The following CELF4 variants were observed in gnomAD, a reference collection of about 807,000 sequenced individuals.
CELF4 encodes CUG-BP- and ETR-3-like factor 4.
CELF4 carries 18 observed loss-of-function variants against 59.9 expected under a neutral mutation model. That is an observed-to-expected ratio of 0.30 (90% CI 0.21 to 0.45). CELF4 has a LOEUF of 0.45. Among genes scored for constraint, CELF4 ranks in the 20% least tolerant of loss-of-function variants. CELF4 has a pLI of 1.00. For synonymous variants in CELF4, 261 were observed against 267.1 expected (o/e 0.98, Z 0.22); for missense variants, 456 against 689.0 (o/e 0.66, Z 3.79).
At chr18:37,411,336 A>C (rs1221333067) in intron 2 of CELF4, among the ~76,000 whole-genome samples, 2 of 152,120 alleles carry the variant, frequency 1.3e-5, no homozygotes, top group Non-Finnish European at 1.5e-5. Flanking sequence ...AGCCCATCCC[A>C]ATGTGTGGGA....
intron 2 of CELF4, among the ~76,000 whole-genome samples, chr18:37,393,690 C>CCCGGTA (rs2099196033): frequency 6.6e-6 from 1 of 152,140 alleles, no homozygotes; most frequent in Admixed American, 6.5e-5. Flanking sequence ...GTGCTCCAGC[C>CCCGGTA]CCGGTACCTG....
rs2099986075 is a variant in CELF4, at chr18:37,560,043, C to A, written c.286+5313G>T. On this transcript the variant is annotated intron_variant, in intron 1 of 12. Coordinates refer to ENST00000420428, the MANE Select transcript of CELF4 (RefSeq NM_020180.4). ...TGTTTGAGAGGCCACAAACATCCAG[C>A]CAATTGGAGCAGGTGATGAAGGGAG... 2.6e-5 allele frequency among the ~76,000 whole-genome samples: 4 copies of A among 152,196 alleles called. No individual in the cohort carries two copies. In the South Asian group the frequency reaches 8.3e-4, roughly 32 times the overall value.
chr18:37,513,870 A>G (rs2099947419), intron 1 of CELF4, among the ~76,000 whole-genome samples: 1 of 151,170 alleles, frequency 6.6e-6, no homozygotes, highest in African/African-American at 2.4e-5. Flanking sequence ...AGTCCTAACT[A>G]CCTCTCTTGT....
chr18:37,273,284 A>C, intron 6 of CELF4, 121 bp from the exon 7 acceptor site: 1 of 1,446,740 alleles, frequency 6.9e-7, no homozygotes, highest in Non-Finnish European at 9.1e-7. Flanking sequence ...CCCAACTACC[A>C]CTCCAGAAAG....
intron 2 of CELF4, among the ~76,000 whole-genome samples, chr18:37,461,697 G>A (rs756021921): frequency 6.6e-5 from 10 of 152,192 alleles, no homozygotes; most frequent in African/African-American, 9.7e-5. Context: ...GTGGCTGTAC[G>A]CCAGAATGGT....
At chr18:37,554,197 T>C (rs1194955424) in intron 1 of CELF4, among the ~76,000 whole-genome samples, 1 of 152,072 alleles carries the variant, frequency 6.6e-6, no homozygotes, top group African/African-American at 2.4e-5. Flanking sequence ...CTGGGAACTG[T>C]CTGGGGCAGC....
intron 1 of CELF4, among the ~76,000 whole-genome samples, chr18:37,502,918 T>C (rs946970384): frequency 1.3e-5 from 2 of 152,214 alleles, no homozygotes; most frequent in African/African-American, 4.8e-5. Context: ...GGATCTGCTT[T>C]CCTTGCTTCC....
chr18:37,380,288 T>G (rs2099021381), intron 2 of CELF4, among the ~76,000 whole-genome samples: 1 of 152,132 alleles, frequency 6.6e-6, no homozygotes, highest in African/African-American at 2.4e-5. Context: ...CTGGGGAAAC[T>G]TCCCCAGTGC....
chr18:37,414,191 CA>C (rs2099502136), intron 2 of CELF4, among the ~76,000 whole-genome samples: 1 of 148,088 alleles, frequency 6.8e-6, no homozygotes, highest in Non-Finnish European at 1.5e-5. Context: ...TCCATTCATT[CA>C]TCTATCTATC....
chr18:37,383,324 G>GCCCTGT lies in CELF4; in HGVS notation c.370-61449_370-61444dup, dbSNP rs1483422324. ...GTGGGTGGTGCTGCAGCAGGAAATGGCCCTGTCCCTGTCCTGGGCATCCTG... is the reference window on the plus strand; with the variant it reads ...GTGGGTGGTGCTGCAGCAGGAAATGGCCCTGTCCCTGTCCCTGTCCTGGGCATCCTG... On this transcript the variant is annotated intron_variant, in intron 2 of 12. Coordinates refer to ENST00000420428, the MANE Select transcript of CELF4 (RefSeq NM_020180.4). 2.6e-5 allele frequency among the ~76,000 whole-genome samples: 4 copies of GCCCTGT among 152,290 alleles called. No individual in the cohort carries two copies. In the East Asian group the frequency reaches 7.7e-4, roughly 29 times the overall value.
intron 2 of CELF4, among the ~76,000 whole-genome samples, chr18:37,339,830 A>G (rs1022110777): frequency 1.6e-4 from 25 of 151,706 alleles, no homozygotes; most frequent in African/African-American, 5.8e-4. Context: ...GCCCCTGCCA[A>G]TGAATGAACA....
chr18:37,275,367 GCC>G, intron 3 of CELF4, 124 bp from the exon 4 acceptor site: 1 of 650,042 alleles, frequency 1.5e-6, no homozygotes, highest in Non-Finnish European at 2.2e-6. Context: ...GGGGCTCGGA[GCC>G]GGCGGGGGAG....
At chr18:37,487,547 C>T (rs1288268890) in intron 1 of CELF4, among the ~76,000 whole-genome samples, 2 of 152,168 alleles carry the variant, frequency 1.3e-5, no homozygotes, top group East Asian at 1.9e-4. Flanking sequence ...TGGAGACACC[C>T]GGGGACTGAA....
At chr18:37,249,694 G>C (rs556643696) in intron 12 of CELF4, among the ~76,000 whole-genome samples, 1 of 152,234 alleles carries the variant, frequency 6.6e-6, no homozygotes, top group South Asian at 2.1e-4. Flanking sequence ...GACCACTCTC[G>C]GGGTGGAGGC....
intron 2 of CELF4, among the ~76,000 whole-genome samples, chr18:37,347,189 A>C (rs993100770): frequency 1.3e-5 from 2 of 152,110 alleles, no homozygotes; most frequent in Admixed American, 6.5e-5. Context: ...TCTGTCTGTA[A>C]ACTTGACCAG....
At chr18:37,296,330 G>C (rs1178518611) in intron 3 of CELF4, among the ~76,000 whole-genome samples, 1 of 152,110 alleles carries the variant, frequency 6.6e-6, no homozygotes. Context: ...ACCACAGCTG[G>C]CATTACAGGT....
chr18:37,341,278 CCAGAGGGG>C, intron 2 of CELF4, among the ~76,000 whole-genome samples: 1 of 152,270 alleles, frequency 6.6e-6, no homozygotes, highest in Non-Finnish European at 1.5e-5. Flanking sequence ...CCCTGGGATC[CCAGAGGGG>C]CAGACTGGGA....
At chr18:37,528,320 G>A (rs1333417917) in intron 1 of CELF4, among the ~76,000 whole-genome samples, 3 of 152,214 alleles carry the variant, frequency 2.0e-5, no homozygotes, top group Admixed American at 6.5e-5. Flanking sequence ...CCTTACAAGA[G>A]TGTATTCTAT....
chr18:37,271,070 T>C (rs1340203314), intron 7 of CELF4, 153 bp from the exon 8 acceptor site: 1 of 644,694 alleles, frequency 1.6e-6, no homozygotes, highest in Non-Finnish European at 2.6e-6. Flanking sequence ...CTATGACCCA[T>C]GCCTTGGCTT....
Sources: allele counts gnomAD v4.1 joint callset (sites outside exome capture counted in the v4.1 genomes callset), GRCh38; gene constraint gnomAD v4.1.1; transcripts MANE v1.5; gene names NCBI Gene and HGNC (gene_info 2026-07-23, HGNC 2026-07-21).